Variants in FBXO11 observed in about 807,000 individuals in gnomAD.
FBXO11 encodes F-box protein 11, also known as F-box only protein 11.
In FBXO11, 13 loss-of-function variants were observed where a neutral mutation model predicts 117.0. That is an observed-to-expected ratio of 0.11 (90% CI 0.07 to 0.18). The LOEUF (loss-of-function observed/expected upper bound fraction) is 0.18. Ranked by LOEUF, FBXO11 falls within the 10% of genes least tolerant of loss-of-function variation. The pLI is 1.00. For synonymous variants in FBXO11, 490 were observed against 380.5 expected (o/e 1.29, Z -3.35); for missense variants, 767 against 1,164.4 (o/e 0.66, Z 4.97).
intron 1 of FBXO11, among the ~76,000 whole-genome samples, chr2:47,858,826 C>T (rs1331887969): frequency 1.3e-5 from 2 of 151,194 alleles, no homozygotes; most frequent in African/African-American, 2.4e-5. Context: ...GGTTGGATCA[C>T]GAGGTCAGGA....
At chr2:47,860,171 TTC>T (rs1326397316) in intron 1 of FBXO11, among the ~76,000 whole-genome samples, 2 of 152,334 alleles carry the variant, frequency 1.3e-5, no homozygotes, top group East Asian at 3.9e-4. Context: ...TCTTTATTGC[TTC>T]TGTTTCTTAG....
intron 1 of FBXO11, among the ~76,000 whole-genome samples, chr2:47,879,123 T>G (rs532248603): frequency 6.6e-6 from 1 of 152,256 alleles, no homozygotes; most frequent in East Asian, 1.9e-4. Flanking sequence ...AGCCCCAGAA[T>G]TTTGCCTTTT....
chr2:47,897,258 A>C (rs1023168605), intron 1 of FBXO11, among the ~76,000 whole-genome samples: 1 of 152,220 alleles, frequency 6.6e-6, no homozygotes, highest in Non-Finnish European at 1.5e-5. Context: ...CTTGGATATA[A>C]AAAAGAATTA....
At chr2:47,890,380 T>C (rs1196820344) in intron 1 of FBXO11, among the ~76,000 whole-genome samples, 1 of 152,184 alleles carries the variant, frequency 6.6e-6, no homozygotes. Flanking sequence ...TGTCTATAAA[T>C]TAATAAGCAC....
chr2:47,839,529 G>C, intron 2 of FBXO11, 29 bp from the exon 3 acceptor site: 2 of 1,609,442 alleles, frequency 1.2e-6, no homozygotes, highest in Non-Finnish European at 1.7e-6. Context: ...AACTAGTAAA[G>C]CAAATATTCT....
chr2:47,853,533 C>A (rs529288399), intron 1 of FBXO11, among the ~76,000 whole-genome samples: 118 of 152,148 alleles, frequency 7.8e-4, no homozygotes, highest in Middle Eastern at 3.4e-3. Context: ...AGCACAATGA[C>A]TAAGGATACA....
chr2:47,891,466 G>T (rs1311584045), intron 1 of FBXO11, among the ~76,000 whole-genome samples: 1 of 152,148 alleles, frequency 6.6e-6, no homozygotes, highest in African/African-American at 2.4e-5. Context: ...CCTTAAGACT[G>T]AATAACATTC....
rs1041804107 is a variant in FBXO11, at chr2:47,829,850, T to A, written c.1398+2499A>T. ...GGTATACATTAAACAAAATTGGCCA[T>A]GAAATGATAGTTGTTGAAGGCAGAC... On this transcript the variant is annotated intron_variant, in intron 11 of 22. Transcript: ENST00000403359. 2.0e-5 allele frequency among the ~76,000 whole-genome samples: 3 copies of A among 152,176 alleles called. No homozygotes were observed. In the South Asian group the frequency reaches 6.2e-4, roughly 32 times the overall value.
chr2:47,822,989 G>A (rs1312082572), intron 12 of FBXO11, among the ~76,000 whole-genome samples, 154 bp downstream of exon 12: 1 of 152,162 alleles, frequency 6.6e-6, no homozygotes, highest in Non-Finnish European at 1.5e-5. Flanking sequence ...AATAGCTATG[G>A]CTCATTCAGA....
At chr2:47,864,891 C>G (rs953825695) in intron 1 of FBXO11, among the ~76,000 whole-genome samples, 11 of 152,186 alleles carry the variant, frequency 7.2e-5, no homozygotes, top group Non-Finnish European at 1.3e-4. Context: ...ACACTCTTTC[C>G]TCATTTATTT....
intron 1 of FBXO11, among the ~76,000 whole-genome samples, chr2:47,860,377 C>T (rs1346450922): frequency 6.6e-6 from 1 of 151,192 alleles, no homozygotes. Context: ...TGTAAGTTTT[C>T]AATCCTTAGC....
chr2:47,894,161 A>G (rs1417676454), intron 1 of FBXO11, among the ~76,000 whole-genome samples: 1 of 152,224 alleles, frequency 6.6e-6, no homozygotes, highest in Admixed American at 6.5e-5. Flanking sequence ...TTTCACTTGA[A>G]GAACTTATCA....
intron 16 of FBXO11, among the ~76,000 whole-genome samples, chr2:47,816,442 A>C (rs1671014941): frequency 6.6e-6 from 1 of 152,054 alleles, no homozygotes. Context: ...CAGCCTCCCA[A>C]AATGCTTGGA....
chr2:47,867,518 T>C (rs1675284924), intron 1 of FBXO11, among the ~76,000 whole-genome samples: 1 of 152,172 alleles, frequency 6.6e-6, no homozygotes, highest in Non-Finnish European at 1.5e-5. Context: ...CCAAAAATAA[T>C]TACTAAGCAG....
At chr2:47,843,995 C>T (rs903087006) in intron 1 of FBXO11, among the ~76,000 whole-genome samples, 1 of 152,144 alleles carries the variant, frequency 6.6e-6, no homozygotes, top group African/African-American at 2.4e-5. Flanking sequence ...CCTGCCTCAG[C>T]CTCCCAAAGT....
chr2:47,870,156 C>T (rs568948266), intron 1 of FBXO11, among the ~76,000 whole-genome samples: 1 of 152,368 alleles, frequency 6.6e-6, no homozygotes, highest in Admixed American at 6.5e-5. Context: ...GTGTCTCTCT[C>T]TCTCCCTATG....
At chr2:47,901,580 C>A (rs923362975) in intron 1 of FBXO11, among the ~76,000 whole-genome samples, 6 of 151,988 alleles carry the variant, frequency 3.9e-5, no homozygotes, top group Non-Finnish European at 7.4e-5. Flanking sequence ...ATTACCTATT[C>A]AAAGTAATTA....
chr2:47,892,558 T>C (rs561621354), intron 1 of FBXO11, among the ~76,000 whole-genome samples: 14 of 152,364 alleles, frequency 9.2e-5, no homozygotes, highest in Admixed American at 2.0e-4. Context: ...TCCTCTGACA[T>C]GCTGCAATGC....
chr2:47,840,809 A>G (rs892084781), intron 1 of FBXO11, among the ~76,000 whole-genome samples: 8 of 147,568 alleles, frequency 5.4e-5, no homozygotes, highest in Admixed American at 2.0e-4. Context: ...AAAATCAGTC[A>G]GTCAATCCAT....
Sources: allele counts gnomAD v4.1 joint callset (sites outside exome capture counted in the v4.1 genomes callset), GRCh38; gene constraint gnomAD v4.1.1; transcripts MANE v1.5; gene names NCBI Gene and HGNC (gene_info 2026-07-23, HGNC 2026-07-21).